The following GALNT17 variants were observed in gnomAD, a reference collection of about 807,000 sequenced individuals.
The protein encoded by GALNT17 is UDP-GalNAc:polypeptide N-acetylgalactosaminyltransferase-like 3.
GALNT17 carries 29 observed loss-of-function variants against 63.7 expected under a neutral mutation model. The ratio of observed to expected loss-of-function variants is 0.46; its 90% confidence interval spans 0.34 to 0.62. GALNT17 has a LOEUF of 0.62. Ranked by LOEUF, GALNT17 falls within the 20% of genes least tolerant of loss-of-function variation. The pLI, the probability that GALNT17 is intolerant of heterozygous loss-of-function variation, is 0.01. For missense variants in GALNT17, 603 were observed against 799.6 expected, an observed-to-expected ratio of 0.75 and a Z score of 2.97; for synonymous variants, 305 against 318.3, an observed-to-expected ratio of 0.96 and a Z score of 0.45.
chr7:71,174,372 G>A (rs1294702380), intron 1 of GALNT17, among the ~76,000 whole-genome samples: 1 of 152,162 alleles, frequency 6.6e-6, no homozygotes, highest in African/African-American at 2.4e-5. Flanking sequence ...ACATGGTTAG[G>A]CCGGCCTGGG....
intron 6 of GALNT17, among the ~76,000 whole-genome samples, chr7:71,620,360 T>G (rs1319956126): frequency 6.6e-6 from 1 of 152,160 alleles, no homozygotes; most frequent in Non-Finnish European, 1.5e-5. Flanking sequence ...TTCAGTAGGC[T>G]TGATATCAGT....
At chr7:71,349,427 C>T (rs1261558518) in intron 2 of GALNT17, among the ~76,000 whole-genome samples, 1 of 152,104 alleles carries the variant, frequency 6.6e-6, no homozygotes, top group Non-Finnish European at 1.5e-5. Context: ...CCCAACAGAA[C>T]TCTGAGGATG....
intron 1 of GALNT17, among the ~76,000 whole-genome samples, chr7:71,144,950 G>C (rs139038845): frequency 7.2e-5 from 11 of 152,240 alleles, no homozygotes; most frequent in East Asian, 5.8e-4. Context: ...GGATGGTCTT[G>C]ATCTCCTGAC....
chr7:71,455,236 C>T (rs111617458), intron 5 of GALNT17, among the ~76,000 whole-genome samples: 27 of 150,898 alleles, frequency 1.8e-4, no homozygotes, highest in African/African-American at 6.1e-4. Flanking sequence ...GGGCAGCAGT[C>T]AGACAGTTGG....
At chr7:71,525,001 C>T (rs1202086066) in intron 5 of GALNT17, among the ~76,000 whole-genome samples, 3 of 152,020 alleles carry the variant, frequency 2.0e-5, no homozygotes, top group Admixed American at 6.6e-5. Flanking sequence ...TGTTTTTCTC[C>T]GATACTTCTT....
intron 1 of GALNT17, among the ~76,000 whole-genome samples, chr7:71,247,191 G>A (rs774712836): frequency 1.1e-4 from 17 of 152,260 alleles, no homozygotes; most frequent in Non-Finnish European, 2.1e-4. Flanking sequence ...AAATGTTTAT[G>A]TTTTTATTTG....
chr7:71,329,550 C>T (rs1182826644), intron 1 of GALNT17, among the ~76,000 whole-genome samples: 1 of 152,026 alleles, frequency 6.6e-6, no homozygotes, highest in Non-Finnish European at 1.5e-5. Flanking sequence ...TCCCTCACTT[C>T]CGCAGGCTGT....
intron 5 of GALNT17, among the ~76,000 whole-genome samples, chr7:71,425,898 C>G (rs1786750945): frequency 6.6e-6 from 1 of 152,130 alleles, no homozygotes; most frequent in Non-Finnish European, 1.5e-5. Context: ...ATGGAGGCTT[C>G]TGCGTCTGGG....
At chr7:71,390,025 T>A (rs578234634) in intron 3 of GALNT17, among the ~76,000 whole-genome samples, 1 of 152,260 alleles carries the variant, frequency 6.6e-6, no homozygotes, top group East Asian at 1.9e-4. Flanking sequence ...GATCCCAACC[T>A]GCAAAATTCA....
intron 1 of GALNT17, among the ~76,000 whole-genome samples, chr7:71,211,107 A>G (rs936236757): frequency 6.6e-6 from 1 of 152,162 alleles, no homozygotes; most frequent in South Asian, 2.1e-4. Context: ...CAGAGATTCT[A>G]TCAAGTTCTC....
At chr7:71,160,382 A>AT (rs1562874097) in intron 1 of GALNT17, among the ~76,000 whole-genome samples, 3 of 152,188 alleles carry the variant, frequency 2.0e-5, no homozygotes, top group Non-Finnish European at 4.4e-5. Flanking sequence ...TGATTTTGCC[A>AT]TAAGTCACAT....
At chr7:71,168,811 T>C (rs951517230) in intron 1 of GALNT17, among the ~76,000 whole-genome samples, 1 of 152,110 alleles carries the variant, frequency 6.6e-6, no homozygotes, top group South Asian at 2.1e-4. Flanking sequence ...AAAGTTGTTT[T>C]GATTGCTTTA....
intron 1 of GALNT17, among the ~76,000 whole-genome samples, chr7:71,156,630 C>T (rs1303299422): frequency 2.0e-5 from 3 of 147,806 alleles, no homozygotes; most frequent in Admixed American, 2.0e-4. Flanking sequence ...CCATTCTTTG[C>T]CTTCCTTCCC....
chr7:71,532,234 G>A (rs1307607427), intron 5 of GALNT17, among the ~76,000 whole-genome samples: 2 of 152,036 alleles, frequency 1.3e-5, no homozygotes, highest in Non-Finnish European at 2.9e-5. Context: ...CTAATTTTAT[G>A]GCACACAACA....
At chr7:71,484,962 CTTTTTTT>C (rs779772231) in intron 5 of GALNT17, among the ~76,000 whole-genome samples, 4 of 47,588 alleles carry the variant, frequency 8.4e-5, no homozygotes, top group East Asian at 7.8e-4. Context: ...CCACACCTGG[CTTTTTTT>C]TTTTTTTTTT....
chr7:71,145,999 CG>C (rs1035528222), intron 1 of GALNT17, among the ~76,000 whole-genome samples: 9 of 152,132 alleles, frequency 5.9e-5, no homozygotes, highest in African/African-American at 2.2e-4. Context: ...AGCCACCGTA[CG>C]GGGCCCGTAT....
chr7:71,521,828 C>T (rs1445174070), intron 5 of GALNT17, among the ~76,000 whole-genome samples: 1 of 152,146 alleles, frequency 6.6e-6, no homozygotes, highest in East Asian at 1.9e-4. Context: ...GAAACAGTAA[C>T]AGATGGTCTG....
chr7:71,303,538 A>G (rs561749766), intron 1 of GALNT17, among the ~76,000 whole-genome samples: 1 of 152,292 alleles, frequency 6.6e-6, no homozygotes, highest in East Asian at 1.9e-4. Context: ...GGACACTTGA[A>G]GATGAAAAAT....
chr7:71,545,260 T>C (rs1788963200), intron 5 of GALNT17, among the ~76,000 whole-genome samples: 1 of 152,144 alleles, frequency 6.6e-6, no homozygotes, highest in Non-Finnish European at 1.5e-5. Context: ...TTTTCACATC[T>C]CTCTGTTTAT....
Sources: gnomAD v4.1 joint callset for allele counts (sites outside exome capture counted in the v4.1 genomes callset) on GRCh38, gnomAD v4.1.1 for gene constraint, MANE v1.5 for transcripts, NCBI Gene and HGNC (gene_info 2026-07-23, HGNC 2026-07-21) for gene names.